The following ADGB variants were observed in gnomAD, a reference collection of about 807,000 sequenced individuals.
ADGB encodes the protein calpain-7-like protein.
ADGB carries 172 observed loss-of-function variants against 210.5 expected under a neutral mutation model. The ratio of observed to expected loss-of-function variants is 0.82; its 90% CI spans 0.72 to 0.93. ADGB has a LOEUF of 0.93. Among genes scored for constraint, ADGB ranks in the 40% least tolerant of loss-of-function variants. ADGB has a pLI of 0.00. For missense variants in ADGB, 2,025 were observed against 1,964.8 expected (o/e 1.03, Z -0.58); for synonymous variants, 658 against 662.7 (o/e 0.99, Z 0.11).
At chr6:146,698,451 A>G (rs1396720710) in intron 12 of ADGB, among the ~76,000 whole-genome samples, 2 of 152,168 alleles carry the variant, frequency 1.3e-5, no homozygotes, top group African/African-American at 4.8e-5. Context: ...TCTTTACATC[A>G]CAGGCAGTTA....
chr6:146,733,060 A>T, intron 20 of ADGB, 60 bp from the exon 21 acceptor site: 1 of 1,237,088 alleles, frequency 8.1e-7, no homozygotes, highest in Non-Finnish European at 1.1e-6. Flanking sequence ...AAAATTTTTT[A>T]GAGCTTCTCT....
chr6:146,679,033 G>C (rs1370694809), intron 9 of ADGB, among the ~76,000 whole-genome samples: 2 of 152,154 alleles, frequency 1.3e-5, no homozygotes, highest in Non-Finnish European at 2.9e-5. Flanking sequence ...AAAAGAGCTT[G>C]GAGGATTGCA....
chr6:146,670,756 A>G (rs947367126), intron 7 of ADGB, among the ~76,000 whole-genome samples: 1 of 152,180 alleles, frequency 6.6e-6, no homozygotes. Flanking sequence ...CTGTGTTTAG[A>G]ACAGTGACAC....
intron 2 of ADGB, among the ~76,000 whole-genome samples, chr6:146,642,597 G>A (rs1775534848): frequency 6.6e-6 from 1 of 151,868 alleles, no homozygotes; most frequent in Non-Finnish European, 1.5e-5. Context: ...GAACAAGATC[G>A]TGTCTTTTGC....
At chr6:146,655,132 C>G (rs1253295264) in intron 4 of ADGB, among the ~76,000 whole-genome samples, 7 of 152,054 alleles carry the variant, frequency 4.6e-5, no homozygotes. Flanking sequence ...GAAATGAAGT[C>G]TCTTTAACTG....
Position 146,801,169 on chromosome 6 carries a change from T to G in ADGB, c.4538-14T>G. 2 of 1,432,050 alleles carry G rather than the reference T, an allele frequency of 1.4e-6. No homozygotes were observed. Among genetic ancestry groups the G allele is most frequent in the Non-Finnish European group, 1.9e-6 (2 of 1,074,656 alleles). The allele number at this position is 1,432,050 out of a possible 1,614,324, so 88.7% of individuals were successfully genotyped here. The stretch of plus-strand genomic sequence containing the variant: ...AAGCCTAGGTTTTTTGTTGTGTGTG[T>G]GTTTTTTTTAAAGAAACAGGACCTC... On this transcript the variant is annotated splice_polypyrimidine_tract_variant and intron_variant, in intron 33 of 35. Coordinates refer to ENST00000397944, the MANE Select transcript of ADGB (RefSeq NM_024694.4).
chr6:146,763,861 T>C (rs747975950), intron 27 of ADGB, 40 bp from the exon 28 acceptor site: 8 of 1,485,826 alleles, frequency 5.4e-6, no homozygotes, highest in South Asian at 5.1e-5. Flanking sequence ...ACTATGTATA[T>C]CACATATTTT....
At chr6:146,686,278 C>A (rs1489894299) in intron 10 of ADGB, among the ~76,000 whole-genome samples, 3 of 151,782 alleles carry the variant, frequency 2.0e-5, no homozygotes, top group Non-Finnish European at 2.9e-5. Context: ...TCTTGTATCA[C>A]AAAATAATAC....
At chr6:146,671,477 G>A (rs557187486) in intron 7 of ADGB, among the ~76,000 whole-genome samples, 5 of 152,164 alleles carry the variant, frequency 3.3e-5, no homozygotes, top group Admixed American at 6.6e-5. Flanking sequence ...AGTAGAAGGT[G>A]ATGCAGGACA....
At chr6:146,744,357 TA>T (rs1777198620) in intron 25 of ADGB, among the ~76,000 whole-genome samples, 1 of 152,190 alleles carries the variant, frequency 6.6e-6, no homozygotes, top group Non-Finnish European at 1.5e-5. Context: ...TCCTGACCCA[TA>T]CGAAATTCAC....
chr6:146,753,166 T>A (rs78798663), intron 27 of ADGB, among the ~76,000 whole-genome samples: 12,818 of 152,078 alleles, frequency 0.084, 1,775 homozygotes, highest in African/African-American at 0.29. Context: ...ATTACGTAGT[T>A]ATGTTAGTAA....
intron 33 of ADGB, among the ~76,000 whole-genome samples, chr6:146,799,632 G>A (rs1778096385): frequency 6.6e-6 from 1 of 150,736 alleles, no homozygotes; most frequent in Admixed American, 6.6e-5. Flanking sequence ...AGGGAGGGAG[G>A]GAGACTGTAT....
intron 33 of ADGB, among the ~76,000 whole-genome samples, chr6:146,791,585 C>A (rs1304695970): frequency 6.6e-6 from 1 of 152,118 alleles, no homozygotes; most frequent in East Asian, 1.9e-4. Context: ...TCAAGGAATC[C>A]TCCAGCCTCA....
At chr6:146,737,341 G>A (rs1233990351) in intron 23 of ADGB, among the ~76,000 whole-genome samples, 1 of 152,170 alleles carries the variant, frequency 6.6e-6, no homozygotes, top group Non-Finnish European at 1.5e-5. Context: ...TAGAAGAAGA[G>A]TTTAGTGAAC....
At chr6:146,607,697 T>C (rs1583556786) in intron 1 of ADGB, among the ~76,000 whole-genome samples, 1 of 152,200 alleles carries the variant, frequency 6.6e-6, no homozygotes, top group African/African-American at 2.4e-5. Flanking sequence ...TAATGTTTAT[T>C]GATTTGCTTT....
chr6:146,702,501 C>T (rs950554433), intron 13 of ADGB, among the ~76,000 whole-genome samples: 5 of 151,802 alleles, frequency 3.3e-5, no homozygotes, highest in Admixed American at 1.3e-4. Context: ...ATCTTGCCTC[C>T]ATTTATGTAC....
chr6:146,654,030 T>C (rs1354885656), intron 3 of ADGB, 105 bp from the exon 4 acceptor site: 4 of 648,404 alleles, frequency 6.2e-6, no homozygotes, highest in Admixed American at 5.8e-5. Context: ...TTGCAAAAAT[T>C]CAAAAAATTG....
intron 9 of ADGB, among the ~76,000 whole-genome samples, chr6:146,678,596 T>C (rs1202425262): frequency 6.6e-6 from 1 of 152,194 alleles, no homozygotes; most frequent in Non-Finnish European, 1.5e-5. Context: ...GAAAATCTAA[T>C]ATAAAGAACC....
chr6:146,811,483 A>C (rs1305243393), intron 35 of ADGB, among the ~76,000 whole-genome samples: 4 of 152,040 alleles, frequency 2.6e-5, no homozygotes, highest in African/African-American at 9.7e-5. Flanking sequence ...GTGTGTGTAA[A>C]TATATTCAGG....
Sources: gnomAD v4.1 joint callset for allele counts (sites outside exome capture counted in the v4.1 genomes callset) on GRCh38, gnomAD v4.1.1 for gene constraint, MANE v1.5 for transcripts, NCBI Gene and HGNC (gene_info 2026-07-23, HGNC 2026-07-21) for gene names.